Variants in NOL4 observed in about 807,000 individuals in gnomAD.
NOL4 encodes the protein cancer/testis antigen 125.
A neutral mutation model predicts 75.9 loss-of-function variants in NOL4; 17 were observed. The observed-to-expected ratio is 0.22, with a 90% confidence interval of 0.15 to 0.34. NOL4 has a LOEUF of 0.34. Ranked by LOEUF, NOL4 falls within the 10% of genes least tolerant of loss-of-function variation. The pLI, the probability that NOL4 is intolerant of heterozygous loss-of-function variation, is 1.00. For missense variants in NOL4, 614 were observed against 793.5 expected (o/e 0.77, Z 2.72); for synonymous variants, 292 against 289.9 (o/e 1.01, Z -0.07).
intron 1 of NOL4, among the ~76,000 whole-genome samples, chr18:34,162,164 C>A (rs1332042752): frequency 2.0e-5 from 3 of 152,028 alleles, no homozygotes; most frequent in Admixed American, 2.0e-4. Context: ...AACCTAACAT[C>A]ACAATTAAAA....
chr18:33,883,278 C>T lies in NOL4; in HGVS notation c.1689G>A (p.Gly563=). 1 of 1,607,184 alleles carries T rather than the reference C, an allele frequency of 6.2e-7. No individual in the cohort carries two copies. The highest frequency in any genetic ancestry group is 8.5e-7 in the Non-Finnish European group (1 of 1,177,558). The stretch of plus-strand genomic sequence containing the variant: ...AAGCATCATTCAGATTTAGCAGACC[C>T]CCTCCTAGCCCTCTGTAACTATGGT... ...YSYHSYRGLG[G]GLLNLNDASS... is the part of the protein sequence containing the mutation. The change falls in exon 10 of 11, where the codon GGG becomes GGA. Residue 563 remains glycine (G), a synonymous_variant. Transcript: ENST00000261592.
At chr18:33,985,924 TGAA>T (rs954905889) in intron 6 of NOL4, among the ~76,000 whole-genome samples, 13 of 152,068 alleles carry the variant, frequency 8.5e-5, no homozygotes, top group African/African-American at 3.1e-4. Context: ...ATTTTACAGA[TGAA>T]GAAATTGGGA....
chr18:34,079,366 T>C (rs1449687624), intron 5 of NOL4, among the ~76,000 whole-genome samples: 1 of 151,842 alleles, frequency 6.6e-6, no homozygotes, highest in African/African-American at 2.4e-5. Flanking sequence ...TTAAGGAGAT[T>C]CTCCCAGTTC....
intron 1 of NOL4, among the ~76,000 whole-genome samples, chr18:34,185,277 A>G (rs1180966161): frequency 6.6e-6 from 1 of 152,154 alleles, no homozygotes; most frequent in African/African-American, 2.4e-5. Flanking sequence ...CAAGACTTCT[A>G]ATCAGAAATA....
intron 5 of NOL4, among the ~76,000 whole-genome samples, chr18:34,025,414 C>A (rs1489965755): frequency 1.3e-5 from 2 of 152,110 alleles, no homozygotes; most frequent in Admixed American, 1.3e-4. Context: ...GTAGAGCTGC[C>A]TATCATATAA....
At chr18:33,972,647 G>T (rs532680082) in intron 6 of NOL4, among the ~76,000 whole-genome samples, 3 of 152,220 alleles carry the variant, frequency 2.0e-5, no homozygotes, top group African/African-American at 7.2e-5. Context: ...ATTGCAGGTT[G>T]GGTTTTCAAC....
chr18:34,018,947 T>C (rs2074868083), intron 6 of NOL4, among the ~76,000 whole-genome samples: 1 of 152,168 alleles, frequency 6.6e-6, no homozygotes, highest in South Asian at 2.1e-4. Flanking sequence ...CCTATCCATC[T>C]AGGAGAAACT....
chr18:34,021,685 T>G (rs1265306825), intron 5 of NOL4, among the ~76,000 whole-genome samples: 1 of 152,066 alleles, frequency 6.6e-6, no homozygotes, highest in Non-Finnish European at 1.5e-5. Context: ...TTTGGCATAT[T>G]TAAAAGCTCA....
chr18:33,908,536 T>A (rs548319820), intron 9 of NOL4, among the ~76,000 whole-genome samples: 1 of 152,180 alleles, frequency 6.6e-6, no homozygotes, highest in Non-Finnish European at 1.5e-5. Context: ...GAAGGAGTCA[T>A]AAAATTGTGA....
chr18:34,014,175 T>A (rs1295764425), intron 6 of NOL4, among the ~76,000 whole-genome samples: 1 of 151,994 alleles, frequency 6.6e-6, no homozygotes, highest in African/African-American at 2.4e-5. Flanking sequence ...ACCATTAATA[T>A]TTTATAAACT....
At chr18:34,156,325 G>A (rs1308421260) in intron 1 of NOL4, among the ~76,000 whole-genome samples, 2 of 152,014 alleles carry the variant, frequency 1.3e-5, no homozygotes, top group African/African-American at 2.4e-5. Flanking sequence ...TTTTGTAGCT[G>A]GAGAAAATGA....
chr18:34,152,037 G>A (rs545669674), intron 1 of NOL4, among the ~76,000 whole-genome samples: 29 of 151,606 alleles, frequency 1.9e-4, no homozygotes, highest in Middle Eastern at 6.8e-3. Flanking sequence ...ATATAATAAC[G>A]AAATCTTTGT....
intron 10 of NOL4, among the ~76,000 whole-genome samples, chr18:33,872,605 T>A (rs1355303131): frequency 6.6e-6 from 1 of 152,002 alleles, no homozygotes; most frequent in Non-Finnish European, 1.5e-5. Context: ...GAGTTGAGTT[T>A]GGAATCAGTA....
At chr18:34,093,685 T>A in intron 4 of NOL4, 88 bp from the exon 5 acceptor site, 1 of 1,002,418 alleles carries the variant, frequency 1.0e-6, no homozygotes, top group East Asian at 3.0e-5. Flanking sequence ...CAATTGAAGT[T>A]TAACCAGTAA....
At chr18:34,017,628 T>G (rs546191606) in intron 6 of NOL4, among the ~76,000 whole-genome samples, 1 of 152,308 alleles carries the variant, frequency 6.6e-6, no homozygotes, top group Middle Eastern at 3.4e-3. Context: ...ATCTCTTGAT[T>G]CTTTTCCCAA....
At chr18:34,019,784 G>T (rs2074933600) in intron 5 of NOL4, among the ~76,000 whole-genome samples, 183 bp from the exon 6 acceptor site, 1 of 150,586 alleles carries the variant, frequency 6.6e-6, no homozygotes, top group African/African-American at 2.4e-5. Flanking sequence ...ACATGATAAG[G>T]TTTGAATGTT....
chr18:33,983,639 T>C (rs1337996830), intron 6 of NOL4, among the ~76,000 whole-genome samples: 1 of 152,022 alleles, frequency 6.6e-6, no homozygotes, highest in African/African-American at 2.4e-5. Flanking sequence ...TATGCACACA[T>C]ATGTATATAC....
At chr18:34,126,185 C>G (rs1376937556) in intron 2 of NOL4, among the ~76,000 whole-genome samples, 1 of 152,130 alleles carries the variant, frequency 6.6e-6, no homozygotes, top group Non-Finnish European at 1.5e-5. Context: ...ATATGCCGAG[C>G]ACTTTGCACA....
chr18:34,160,828 C>A (rs1013694718), intron 1 of NOL4, among the ~76,000 whole-genome samples: 5 of 152,174 alleles, frequency 3.3e-5, no homozygotes, highest in African/African-American at 1.2e-4. Flanking sequence ...TGGGAACAAT[C>A]AAGATCCTCT....
Sources: gnomAD v4.1 joint callset for allele counts (sites outside exome capture counted in the v4.1 genomes callset) on GRCh38, gnomAD v4.1.1 for gene constraint, MANE v1.5 for transcripts, NCBI Gene and HGNC (gene_info 2026-07-23, HGNC 2026-07-21) for gene names.